Variants in NDRG2 observed in about 807,000 individuals in gnomAD.
NDRG2 encodes NDRG family member 2, also known as protein NDRG2.
In NDRG2, 34 loss-of-function variants were observed where a neutral mutation model predicts 58.2. The ratio of observed to expected loss-of-function variants is 0.58; its 90% CI spans 0.44 to 0.78. The LOEUF (loss-of-function observed/expected upper bound fraction) is 0.78. Ranked by LOEUF, NDRG2 falls within the 30% of genes least tolerant of loss-of-function variation. NDRG2 has a pLI of 0.00. For missense variants in NDRG2, 434 were observed against 471.2 expected (o/e 0.92, Z 0.73); for synonymous variants, 187 against 175.9 (o/e 1.06, Z -0.50).
Position 21,056,008 on chromosome 14 carries a change from G to C in NDRG2, c.24+14820C>G, listed in dbSNP as rs150810944. 4.2e-3 allele frequency among the ~76,000 whole-genome samples: 640 copies of C among 152,216 alleles called. 3 individuals carry two copies. The highest frequency in any genetic ancestry group is 0.014 in the African/African-American group (591 of 41,518). Reference sequence around the variant, plus strand: ...ACGAAGGGATCCCTGCTGTGGAAAAGGTGAGTTCTACTGGCAAACAAGGCT... The same window carrying C: ...ACGAAGGGATCCCTGCTGTGGAAAACGTGAGTTCTACTGGCAAACAAGGCT... On this transcript the variant is annotated intron_variant, in intron 1 of 14. Coordinates refer to the NDRG2 transcript ENST00000403829.
At chr14:21,030,446 G>A (rs75272440), upstream of NDRG2, 2,640 of 877,664 alleles carry the variant, frequency 3.0e-3, 40 homozygotes, top group African/African-American at 0.039. Flanking sequence ...GAGAGCAACA[G>A]GGAAGAGGGG....
chr14:21,026,247 G>A (rs947420775), upstream of NDRG2, among the ~76,000 whole-genome samples: 5 of 152,054 alleles, frequency 3.3e-5, no homozygotes, highest in Admixed American at 6.5e-5. Flanking sequence ...GTGGCTTAAG[G>A]GAATTCGAAG....
At chr14:21,069,171 C>T (rs1886472890) in intron 1 of NDRG2, among the ~76,000 whole-genome samples, 1 of 152,236 alleles carries the variant, frequency 6.6e-6, no homozygotes, top group Admixed American at 6.5e-5. Flanking sequence ...CAGGGCATCT[C>T]CCCGCCGTGC....
chr14:21,036,827 C>T (rs1282115530), intron 1 of NDRG2, among the ~76,000 whole-genome samples: 1 of 152,222 alleles, frequency 6.6e-6, no homozygotes, highest in Non-Finnish European at 1.5e-5. Flanking sequence ...AGGAAGTGGG[C>T]ACCGTCAAGC....
At chr14:21,043,215 C>G (rs201008752) in intron 1 of NDRG2, 1 of 1,614,204 alleles carries the variant, frequency 6.2e-7, no homozygotes, top group East Asian at 2.2e-5. Flanking sequence ...CCTGCACGAG[C>G]CTTTCTCCAG....
chr14:21,030,529 T>G, upstream of NDRG2: 1 of 1,572,208 alleles, frequency 6.4e-7, no homozygotes, highest in Non-Finnish European at 8.7e-7. Flanking sequence ...CTCCCCCTTC[T>G]CCTTCACCCC....
intron 1 of NDRG2, among the ~76,000 whole-genome samples, chr14:21,062,536 G>A (rs1886019219): frequency 6.6e-6 from 1 of 152,190 alleles, no homozygotes; most frequent in African/African-American, 2.4e-5. Context: ...GGCCCGTGTA[G>A]GGGTGGCAGA....
chr14:21,018,193 G>T lies in NDRG2; in HGVS notation c.897+11C>A, dbSNP rs376445919. The T allele has an allele frequency of 7.0e-5, 113 of 1,613,772 alleles. No homozygotes were observed. The highest frequency in any genetic ancestry group is 9.1e-5 in the Non-Finnish European group (107 of 1,179,992). ...TCCCTTCCCCATCCCATGGACGGCA[G>T]CGGCACTCACCTGAGTCAGCTGGGG... On this transcript the variant is annotated intron_variant, in intron 14 of 15. Transcript: ENST00000556147.
chr14:21,068,556 GGTTTTTTA>G (rs1418379619), intron 1 of NDRG2, among the ~76,000 whole-genome samples: 8 of 152,164 alleles, frequency 5.3e-5, no homozygotes, highest in African/African-American at 1.7e-4. Flanking sequence ...AGGTGAATAA[GGTTTTTTA>G]AACACTGGCC....
rs1594362131 is a variant in NDRG2, at chr14:21,017,641, A to C, written c.1071T>G (p.Thr357=). Residue 357 remains threonine (T), a synonymous_variant, in exon 16 of 16, where the codon ACT becomes ACG. Transcript: ENST00000556147. ...TGTGCCCCGGGGGCCCCGAAGAAAG[A>C]GTTCCAGACTCGCTGCTCTGGGACA... ...RTLSQSSESG[T]LSSGPPGHTM... is the part of the protein sequence containing the mutation. 6.2e-7 allele frequency: 1 copy of C among 1,613,682 alleles called. No individual in the cohort carries two copies. Among genetic ancestry groups the C allele is most frequent in the East Asian group, 2.2e-5 (1 of 44,868 alleles).
chr14:21,034,352 C>T (rs1303590350), intron 1 of NDRG2: 1 of 1,186,006 alleles, frequency 8.4e-7, no homozygotes, highest in Non-Finnish European at 1.2e-6. Context: ...CTGTCTGCCA[C>T]ATCCCAGAGC....
intron 11 of NDRG2, 52 bp from the exon 12 acceptor site, chr14:21,018,866 T>C (rs1335914826): frequency 1.9e-6 from 3 of 1,608,016 alleles, no homozygotes; most frequent in Non-Finnish European, 2.6e-6. Flanking sequence ...ACTCCCTCAC[T>C]GGCCTCTGCC....
intron 1 of NDRG2, among the ~76,000 whole-genome samples, chr14:21,066,519 C>T (rs1422988160): frequency 6.6e-6 from 1 of 152,148 alleles, no homozygotes; most frequent in Non-Finnish European, 1.5e-5. Flanking sequence ...AGGGTTTCAC[C>T]ATGTTGGGGT....
chr14:21,031,184 C>T, intron 1 of NDRG2: 1 of 1,610,268 alleles, frequency 6.2e-7, no homozygotes, highest in Non-Finnish European at 8.5e-7. Context: ...CAGCCTTCAT[C>T]CCCTTGACCC....
At chr14:21,032,265 T>TC (rs1884262052) in intron 1 of NDRG2, 1 of 695,866 alleles carries the variant, frequency 1.4e-6, no homozygotes, top group South Asian at 1.5e-5. Context: ...CACACACCCT[T>TC]CGCTCTGCTT....
intron 1 of NDRG2, among the ~76,000 whole-genome samples, chr14:21,056,491 G>C (rs575706431): frequency 6.6e-6 from 1 of 152,220 alleles, no homozygotes; most frequent in Non-Finnish European, 1.5e-5. Context: ...TGAAAACTCA[G>C]CCTGAGGCCT....
At chr14:21,046,103 C>A (rs1164382292) in intron 1 of NDRG2, among the ~76,000 whole-genome samples, 3 of 151,924 alleles carry the variant, frequency 2.0e-5, no homozygotes, top group Non-Finnish European at 2.9e-5. Flanking sequence ...TCATAATACA[C>A]CAATCAATTC....
At chr14:21,033,990 C>A (rs750069464) in intron 1 of NDRG2, 2 of 1,614,032 alleles carry the variant, frequency 1.2e-6, no homozygotes, top group Non-Finnish European at 1.7e-6. Flanking sequence ...GGTGAGTGTG[C>A]AGTATTCATT....
At chr14:21,035,761 T>C (rs1194455637) in intron 1 of NDRG2, 1 of 456,248 alleles carries the variant, frequency 2.2e-6, no homozygotes, top group South Asian at 1.5e-5. Flanking sequence ...ATCCTCCCCA[T>C]AACTTGTTTC....
Sources: allele counts gnomAD v4.1 joint callset (sites outside exome capture counted in the v4.1 genomes callset), GRCh38; gene constraint gnomAD v4.1.1; transcripts MANE v1.5; gene names NCBI Gene and HGNC (gene_info 2026-07-23, HGNC 2026-07-21).